CTNNA2: variants seen among roughly 807,000 people sequenced by gnomAD.
CTNNA2 encodes the protein catenin alpha-2.
Under a neutral mutation model 101.0 loss-of-function variants are expected in CTNNA2, and 42 were observed. That is an observed-to-expected ratio of 0.42 (90% CI 0.32 to 0.54). CTNNA2 has a LOEUF of 0.54. CTNNA2 is among the 20% of genes least tolerant of loss of function. CTNNA2 has a pLI of 0.14. For synonymous variants in CTNNA2, 450 were observed against 456.4 expected, an observed-to-expected ratio of 0.99 and a Z score of 0.18; for missense variants, 871 against 1,223.1, an observed-to-expected ratio of 0.71 and a Z score of 4.29.
At chr2:80,264,712 C>A (rs1488435914) in intron 7 of CTNNA2, among the ~76,000 whole-genome samples, 1 of 152,012 alleles carries the variant, frequency 6.6e-6, no homozygotes, top group Non-Finnish European at 1.5e-5. Context: ...TCAACTATGA[C>A]TTGAAGAATA....
At chr2:80,069,415 A>T (rs1698184323) in intron 7 of CTNNA2, among the ~76,000 whole-genome samples, 2 of 152,196 alleles carry the variant, frequency 1.3e-5, no homozygotes, top group South Asian at 4.1e-4. Flanking sequence ...TCAGCATGGT[A>T]CTCACAAACA....
At chr2:80,450,458 A>C (rs925072249) in intron 9 of CTNNA2, among the ~76,000 whole-genome samples, 5 of 152,208 alleles carry the variant, frequency 3.3e-5, no homozygotes, top group South Asian at 4.1e-4. Flanking sequence ...AGATGTGCTG[A>C]GAGCATAAAG....
At chr2:80,419,760 C>T (rs1042981900) in intron 9 of CTNNA2, among the ~76,000 whole-genome samples, 159 bp downstream of exon 9, 4 of 151,918 alleles carry the variant, frequency 2.6e-5, no homozygotes, top group African/African-American at 4.8e-5. Flanking sequence ...TACCCCCTTT[C>T]GAAGGAATCA....
chr2:80,496,601 C>T (rs549098122), intron 9 of CTNNA2, among the ~76,000 whole-genome samples: 1 of 151,488 alleles, frequency 6.6e-6, no homozygotes, highest in Non-Finnish European at 1.5e-5. Context: ...TTTTTCTGGT[C>T]AGGGTAAAGA....
At chr2:79,827,485 A>G (rs1028660198) in intron 3 of CTNNA2, among the ~76,000 whole-genome samples, 1 of 152,212 alleles carries the variant, frequency 6.6e-6, no homozygotes, top group Non-Finnish European at 1.5e-5. Flanking sequence ...GGAGTCACTT[A>G]TTTGATGCAA....
chr2:79,992,033 G>C (rs369048689), intron 7 of CTNNA2, among the ~76,000 whole-genome samples: 19 of 152,166 alleles, frequency 1.2e-4, no homozygotes, highest in Non-Finnish European at 2.6e-4. Context: ...TATCAGTGAC[G>C]GATATTGATA....
chr2:79,192,996 AATTTAGC>A (rs1673895217), intron 1 of CTNNA2, among the ~76,000 whole-genome samples: 1 of 152,150 alleles, frequency 6.6e-6, no homozygotes, highest in Non-Finnish European at 1.5e-5. Context: ...TATCCTCTTG[AATTTAGC>A]ATTTATCATT....
At chr2:80,524,284 T>C (rs778622635) in intron 9 of CTNNA2, among the ~76,000 whole-genome samples, 1 of 152,172 alleles carries the variant, frequency 6.6e-6, no homozygotes, top group Admixed American at 6.5e-5. Flanking sequence ...AGATAGTATC[T>C]TGTATATCCT....
intron 1 of CTNNA2, among the ~76,000 whole-genome samples, chr2:79,528,065 T>C (rs1672522167): frequency 1.3e-5 from 2 of 152,234 alleles, no homozygotes; most frequent in Admixed American, 1.3e-4. Context: ...AGACACAAAA[T>C]ATCACATATT....
chr2:79,682,106 T>G (rs539822570), intron 2 of CTNNA2, among the ~76,000 whole-genome samples: 7 of 152,086 alleles, frequency 4.6e-5, no homozygotes, highest in Non-Finnish European at 8.8e-5. Flanking sequence ...ACCTAAGAAT[T>G]TGCTTGAAAA....
chr2:80,441,976 G>A (rs1250426398), intron 9 of CTNNA2, among the ~76,000 whole-genome samples: 1 of 152,242 alleles, frequency 6.6e-6, no homozygotes, highest in African/African-American at 2.4e-5. Context: ...CCATGGGCAG[G>A]TGGCACTATC....
At chr2:80,557,021 T>G (rs1439313559) in intron 12 of CTNNA2, among the ~76,000 whole-genome samples, 2 of 152,134 alleles carry the variant, frequency 1.3e-5, no homozygotes, top group African/African-American at 4.8e-5. Flanking sequence ...TTACAAAGAG[T>G]TCTGTAGGTA....
intron 3 of CTNNA2, among the ~76,000 whole-genome samples, chr2:79,836,573 C>T (rs1380057296): frequency 6.6e-6 from 1 of 152,106 alleles, no homozygotes; most frequent in Admixed American, 6.5e-5. Context: ...GCTAGAAGTC[C>T]AAAATCAAGA....
intron 3 of CTNNA2, among the ~76,000 whole-genome samples, chr2:79,372,297 T>C (rs920128293): frequency 1.3e-5 from 2 of 152,076 alleles, no homozygotes; most frequent in Non-Finnish European, 2.9e-5. Context: ...TTTTCCTCCT[T>C]GATGTCACTG....
intron 3 of CTNNA2, among the ~76,000 whole-genome samples, chr2:79,787,715 G>A (rs1674955962): frequency 6.6e-6 from 1 of 151,808 alleles, no homozygotes; most frequent in African/African-American, 2.4e-5. Flanking sequence ...CTTGTTTCGT[G>A]GCCCCTTTTT....
chr2:79,939,013 A>C (rs543141782), intron 7 of CTNNA2, among the ~76,000 whole-genome samples: 1 of 152,172 alleles, frequency 6.6e-6, no homozygotes, highest in Non-Finnish European at 1.5e-5. Context: ...TGGAGTGTGC[A>C]CTGGGTTCCA....
intron 7 of CTNNA2, among the ~76,000 whole-genome samples, chr2:80,099,511 G>T (rs184682143): frequency 4.6e-5 from 7 of 152,164 alleles, no homozygotes; most frequent in Non-Finnish European, 1.0e-4. Context: ...TCCTGGAGAT[G>T]AATTTACTTG....
chr2:80,304,955 G>C (rs1265375009), intron 7 of CTNNA2: 1 of 511,470 alleles, frequency 2.0e-6, no homozygotes, highest in African/African-American at 2.2e-5. Context: ...GGTGGAGGTA[G>C]GGGTAGCATC....
chr2:80,043,491 C>A (rs1333826881), intron 7 of CTNNA2, among the ~76,000 whole-genome samples: 1 of 152,158 alleles, frequency 6.6e-6, no homozygotes, highest in African/African-American at 2.4e-5. Flanking sequence ...AGCCACTGCG[C>A]CCTGCCCCTG....
Sources: allele counts gnomAD v4.1 joint callset (sites outside exome capture counted in the v4.1 genomes callset), GRCh38; gene constraint gnomAD v4.1.1; transcripts MANE v1.5; gene names NCBI Gene and HGNC (gene_info 2026-07-23, HGNC 2026-07-21).